CEP162: variants seen among roughly 807,000 people sequenced by gnomAD.
CEP162 encodes centrosomal protein of 162 kDa.
CEP162 carries 141 observed loss-of-function variants against 169.2 expected under a neutral mutation model. The ratio of observed to expected loss-of-function variants is 0.83; its 90% CI spans 0.73 to 0.96. CEP162 has a LOEUF of 0.96. Among genes scored for constraint, CEP162 ranks in the 40% least tolerant of loss-of-function variants. The pLI is 0.00. For missense variants in CEP162, 1,600 were observed against 1,587.2 expected (o/e 1.01, Z -0.14); for synonymous variants, 540 against 526.4 (o/e 1.03, Z -0.35).
At chr6:84,157,787 C>A (rs1043635352) in intron 21 of CEP162, among the ~76,000 whole-genome samples, 1 of 152,202 alleles carries the variant, frequency 6.6e-6, no homozygotes, top group African/African-American at 2.4e-5. Context: ...ACTCTACTGA[C>A]TGAAAAATTA....
At chr6:84,192,309 A>T (rs1197889773) in intron 11 of CEP162, among the ~76,000 whole-genome samples, 1 of 152,238 alleles carries the variant, frequency 6.6e-6, no homozygotes, top group Non-Finnish European at 1.5e-5. Context: ...AAGCTTTTAA[A>T]CACAAATGTA....
At chr6:84,201,671 A>G in intron 8 of CEP162, 66 bp downstream of exon 8, 8 of 777,716 alleles carry the variant, frequency 1.0e-5, no homozygotes, top group East Asian at 2.9e-5. Context: ...ATTCAGAATT[A>G]CTGAGATGAA....
chr6:84,155,433 A>C lies in CEP162; in HGVS notation c.2859T>G (p.Ala953=), dbSNP rs2099522792. 1.2e-6 allele frequency: 2 copies of C among 1,613,084 alleles called. No homozygotes were observed. The highest frequency in any genetic ancestry group is 1.7e-6 in the Non-Finnish European group (2 of 1,179,196). ...LPALILAASA[A]GDTVDKNTVE... is the part of the protein sequence containing the mutation. ...CTGTATTTTTATCCACTGTATCACC[A>C]GCTGCTGATGCAGCCAATATTAAAG... Residue 953 remains alanine (A), a synonymous_variant, in exon 22 of 27, where the codon GCT becomes GCG. Transcript: ENST00000403245.
At chr6:84,213,053 T>C (rs1399893191) in intron 5 of CEP162, 29 bp from the exon 6 acceptor site, 3 of 1,369,784 alleles carry the variant, frequency 2.2e-6, no homozygotes, top group Non-Finnish European at 3.0e-6. Context: ...TAATTTAGCA[T>C]TACATGTTAA....
At chr6:84,177,941 T>G (rs1324874071) in intron 13 of CEP162, among the ~76,000 whole-genome samples, 1 of 152,222 alleles carries the variant, frequency 6.6e-6, no homozygotes, top group African/African-American at 2.4e-5. Context: ...AGTGGCCAAG[T>G]TGAGATTAGG....
chr6:84,202,753 T>C (rs2099545128), intron 7 of CEP162, among the ~76,000 whole-genome samples: 1 of 151,736 alleles, frequency 6.6e-6, no homozygotes, highest in Non-Finnish European at 1.5e-5. Context: ...TGGTGACCTA[T>C]TCATTTTTCA....
At chr6:84,191,144 A>G (rs868584363) in intron 11 of CEP162, among the ~76,000 whole-genome samples, 49 of 152,148 alleles carry the variant, frequency 3.2e-4, no homozygotes, top group African/African-American at 1.1e-3. Flanking sequence ...GTAAAAAACC[A>G]TAACCCTGTT....
At chr6:84,154,379 C>CTATCTATCTATCTATCTATCTATCTAT (rs1562020180) in intron 22 of CEP162, among the ~76,000 whole-genome samples, 1 of 124,790 alleles carries the variant, frequency 8.0e-6, no homozygotes, top group African/African-American at 3.4e-5. Flanking sequence ...TATCTATCTA[C>CTATCTATCTATCTATCTATCTATCTAT]CTATCTATCT....
intron 13 of CEP162, among the ~76,000 whole-genome samples, chr6:84,183,895 G>A (rs185942523): frequency 5.3e-5 from 8 of 152,114 alleles, no homozygotes; most frequent in South Asian, 4.2e-4. Flanking sequence ...TGGCTACTTC[G>A]TATCTTCTCT....
intron 9 of CEP162, among the ~76,000 whole-genome samples, chr6:84,196,714 T>C (rs571002802): frequency 6.6e-6 from 1 of 152,280 alleles, no homozygotes; most frequent in East Asian, 1.9e-4. Flanking sequence ...AGTCTCATCT[T>C]CCTGTATATA....
chr6:84,146,471 T>G (rs183069131), intron 25 of CEP162, among the ~76,000 whole-genome samples: 101 of 152,146 alleles, frequency 6.6e-4, no homozygotes, highest in African/African-American at 2.3e-3. Context: ...CCACAAAATC[T>G]CAACAGCAAA....
intron 9 of CEP162, among the ~76,000 whole-genome samples, chr6:84,195,302 C>T (rs2099541665): frequency 6.6e-6 from 1 of 152,142 alleles, no homozygotes; most frequent in Non-Finnish European, 1.5e-5. Flanking sequence ...TGCTTTCACT[C>T]GTCATTGTTC....
At chr6:84,183,376 G>C (rs997987551) in intron 13 of CEP162, among the ~76,000 whole-genome samples, 1 of 151,844 alleles carries the variant, frequency 6.6e-6, no homozygotes, top group African/African-American at 2.4e-5. Context: ...CTGGCTTTTG[G>C]TTCCTTGAAC....
At chr6:84,185,508 T>G in intron 12 of CEP162, 60 bp from the exon 13 acceptor site, 1 of 1,410,786 alleles carries the variant, frequency 7.1e-7, no homozygotes, top group South Asian at 1.3e-5. Flanking sequence ...TTGTTGTAAA[T>G]GAATATTTAA....
intron 3 of CEP162, chr6:84,217,735 TA>T (rs1390299329): frequency 6.6e-6 from 1 of 152,240 alleles, no homozygotes; most frequent in Non-Finnish European, 1.5e-5. Context: ...GTCAGGTTAT[TA>T]GAGGCATTAG....
At position 84,136,399 on chromosome 6, in the gene CEP162, AG is replaced by A. The variant is rs2099514071; in HGVS notation, c.3871-9888del. ...GAAGGGCAGGCAGGTGATGAGACAG[AG>A]AGGGAATGAGAACCACTGAACTTAT... is the stretch of plus-strand genomic sequence containing the variant. On this transcript the variant is annotated intron_variant, in intron 25 of 26. Coordinates refer to ENST00000403245, the MANE Select transcript of CEP162 (RefSeq NM_014895.4). 3.3e-5 allele frequency among the ~76,000 whole-genome samples: 5 copies of A among 152,254 alleles called. No individual in the cohort carries two copies. In the South Asian group the frequency reaches 1.0e-3, roughly 32 times the overall value.
chr6:84,147,279 A>G (rs1258471404), intron 24 of CEP162, among the ~76,000 whole-genome samples: 1 of 152,124 alleles, frequency 6.6e-6, no homozygotes, highest in African/African-American at 2.4e-5. Context: ...GAGAGCTAAA[A>G]AACTTGATCT....
chr6:84,213,407 A>G (rs1031663523), intron 5 of CEP162, among the ~76,000 whole-genome samples: 1 of 152,226 alleles, frequency 6.6e-6, no homozygotes, highest in African/African-American at 2.4e-5. Flanking sequence ...AGCCAGAAAA[A>G]AAATGCTAAG....
intron 18 of CEP162, among the ~76,000 whole-genome samples, chr6:84,164,594 GA>G (rs2099527059): frequency 6.6e-6 from 1 of 152,108 alleles, no homozygotes; most frequent in African/African-American, 2.4e-5. Context: ...ACTAACACAG[GA>G]ACAGAAAACC....
Sources: allele counts gnomAD v4.1 joint callset (sites outside exome capture counted in the v4.1 genomes callset), GRCh38; gene constraint gnomAD v4.1.1; transcripts MANE v1.5; gene names NCBI Gene and HGNC (gene_info 2026-07-23, HGNC 2026-07-21).